Variants in ZFHX3 observed in about 807,000 individuals in gnomAD.
The protein encoded by ZFHX3 is zinc finger homeobox protein 3.
A neutral mutation model predicts 279.1 loss-of-function variants in ZFHX3; 42 were observed. The observed-to-expected ratio is 0.15, with a 90% confidence interval of 0.12 to 0.19. ZFHX3 has a LOEUF of 0.19. ZFHX3 is among the 10% of genes least tolerant of loss of function. The pLI is 1.00. For synonymous variants in ZFHX3, 2,293 were observed against 1,957.8 expected (o/e 1.17, Z -4.52); for missense variants, 4,981 against 4,754.0 (o/e 1.05, Z -1.40).
intron 5 of ZFHX3, among the ~76,000 whole-genome samples, chr16:73,238,692 A>G (rs1221761698): frequency 1.3e-5 from 2 of 152,000 alleles, no homozygotes; most frequent in Non-Finnish European, 2.9e-5. Flanking sequence ...ACCTTCTTAC[A>G]TGGCCTTCCA....
intron 1 of ZFHX3, among the ~76,000 whole-genome samples, chr16:73,877,413 T>C (rs1191173492): frequency 1.3e-5 from 2 of 152,162 alleles, no homozygotes; most frequent in Non-Finnish European, 2.9e-5. Flanking sequence ...GAAGCTGAAC[T>C]GACAGCTAGT....
chr16:73,259,172 C>T (rs117440817), intron 4 of ZFHX3, among the ~76,000 whole-genome samples: 57 of 152,302 alleles, frequency 3.7e-4, no homozygotes, highest in Middle Eastern at 3.4e-3. Flanking sequence ...TGTGTACACA[C>T]GTGTGAGCGT....
intron 1 of ZFHX3, among the ~76,000 whole-genome samples, chr16:73,706,951 G>C (rs1342935648): frequency 6.6e-6 from 1 of 152,090 alleles, no homozygotes; most frequent in African/African-American, 2.4e-5. Context: ...GCAGTGTATT[G>C]CACACAGTAG....
At chr16:73,648,514 T>G (rs796473948) in intron 2 of ZFHX3, among the ~76,000 whole-genome samples, 12 of 152,194 alleles carry the variant, frequency 7.9e-5, no homozygotes, top group African/African-American at 2.2e-4. Flanking sequence ...TTCAGCCTCC[T>G]GAGTACCTGG....
At position 73,427,701 on chromosome 16, in the gene ZFHX3, C is replaced by T. The variant is rs553946969; in HGVS notation, c.-1291+28302G>A. ...TTGTAATCCTAGCACTTTGGGAGGC[C>T]GCCGTGGGCAGACCACGAGGTCAGG... On this transcript the variant is annotated intron_variant, in intron 3 of 17. Transcript: ENST00000641206. Among the ~76,000 whole-genome samples, 580 of 152,028 alleles carry T rather than the reference C, an allele frequency of 3.8e-3. 10 individuals are homozygous for T. The highest frequency in any genetic ancestry group is 0.013 in the African/African-American group (546 of 41,444).
At chr16:73,462,563 C>G (rs571787023) in intron 2 of ZFHX3, among the ~76,000 whole-genome samples, 2 of 152,190 alleles carry the variant, frequency 1.3e-5, no homozygotes, top group African/African-American at 4.8e-5. Flanking sequence ...TGTAGATGCT[C>G]TTTATAAAGT....
intron 1 of ZFHX3, among the ~76,000 whole-genome samples, chr16:73,027,263 T>A (rs1964545513): frequency 6.6e-6 from 1 of 152,214 alleles, no homozygotes; most frequent in African/African-American, 2.4e-5. Context: ...GCTGGGAGAC[T>A]TCTCAATATC....
intron 8 of ZFHX3, among the ~76,000 whole-genome samples, chr16:73,077,771 C>A (rs1454857532): frequency 1.3e-5 from 2 of 152,124 alleles, no homozygotes; most frequent in Non-Finnish European, 2.9e-5. Context: ...CCGATCGTGT[C>A]AATCATGTAG....
chr16:73,294,476 A>G (rs1055096680), intron 4 of ZFHX3, among the ~76,000 whole-genome samples: 4 of 152,250 alleles, frequency 2.6e-5, no homozygotes, highest in Non-Finnish European at 5.9e-5. Context: ...TTTTGGAGAC[A>G]GTAGAATACA....
At chr16:73,871,777 T>G (rs2029862669) in intron 1 of ZFHX3, among the ~76,000 whole-genome samples, 1 of 152,168 alleles carries the variant, frequency 6.6e-6, no homozygotes, top group Non-Finnish European at 1.5e-5. Flanking sequence ...TGGTGGTAGT[T>G]GTTTCATAGT....
upstream of ZFHX3, among the ~76,000 whole-genome samples, chr16:73,049,826 G>A (rs531016412): frequency 1.3e-5 from 2 of 152,122 alleles, no homozygotes; most frequent in South Asian, 2.1e-4. Context: ...AAGAACAGGT[G>A]GTGTTTTCAA....
chr16:73,058,421 C>G (rs1455383150), intron 1 of ZFHX3: 3 of 180,276 alleles, frequency 1.7e-5, no homozygotes, highest in Non-Finnish European at 3.4e-5. Flanking sequence ...TGCAAAGCAG[C>G]CCGGGCGCCC....
chr16:73,255,435 G>A (rs557198470), intron 5 of ZFHX3, among the ~76,000 whole-genome samples: 1 of 152,320 alleles, frequency 6.6e-6, no homozygotes, highest in South Asian at 2.1e-4. Flanking sequence ...ATCTCATGAA[G>A]GGGCACTTGT....
At chr16:73,043,543 A>G (rs534746818) in intron 1 of ZFHX3, among the ~76,000 whole-genome samples, 27 of 152,312 alleles carry the variant, frequency 1.8e-4, no homozygotes, top group Non-Finnish European at 2.9e-4. Flanking sequence ...TCCCCTTTAA[A>G]TGTTAAAAGC....
chr16:73,500,580 G>A (rs886872062), intron 2 of ZFHX3, among the ~76,000 whole-genome samples: 41 of 150,514 alleles, frequency 2.7e-4, no homozygotes, highest in Non-Finnish European at 5.6e-4. Flanking sequence ...GCCTGCCTTG[G>A]CCTCCCAAAG....
chr16:73,149,800 G>T (rs909801265), intron 5 of ZFHX3, among the ~76,000 whole-genome samples: 2 of 152,092 alleles, frequency 1.3e-5, no homozygotes, highest in African/African-American at 4.8e-5. Context: ...AATATTTATT[G>T]TCTTCATTGT....
intron 4 of ZFHX3, among the ~76,000 whole-genome samples, chr16:72,832,285 T>TA (rs534773426): frequency 1.2e-4 from 18 of 152,250 alleles, no homozygotes; most frequent in African/African-American, 4.1e-4. Context: ...CTAGAGACTG[T>TA]AATGTATAAG....
At chr16:73,868,856 G>A (rs1962097057) in intron 1 of ZFHX3, among the ~76,000 whole-genome samples, 1 of 151,800 alleles carries the variant, frequency 6.6e-6, no homozygotes, top group African/African-American at 2.4e-5. Flanking sequence ...TCAATACTCT[G>A]CATGATCAAT....
At chr16:73,684,109 C>T (rs1043066952) in intron 1 of ZFHX3, among the ~76,000 whole-genome samples, 13 of 152,044 alleles carry the variant, frequency 8.6e-5, no homozygotes, top group Admixed American at 3.3e-4. Context: ...GCCTGGGCAG[C>T]GTAGCAAGAC....
Sources: gnomAD v4.1 joint callset for allele counts (sites outside exome capture counted in the v4.1 genomes callset) on GRCh38, gnomAD v4.1.1 for gene constraint, MANE v1.5 for transcripts, NCBI Gene and HGNC (gene_info 2026-07-23, HGNC 2026-07-21) for gene names.